PAIP2: variants seen among roughly 807,000 people sequenced by gnomAD.
The protein encoded by PAIP2 is poly(A) binding protein interacting protein 2.
PAIP2 carries 7 observed loss-of-function variants against 14.8 expected under a neutral mutation model. The ratio of observed to expected loss-of-function variants is 0.47; its 90% CI spans 0.27 to 0.89. PAIP2 has a LOEUF of 0.89. PAIP2 is among the 40% of genes least tolerant of loss of function. PAIP2 has a pLI of 0.13. For synonymous variants in PAIP2, 47 were observed against 45.3 expected, an observed-to-expected ratio of 1.04 and a Z score of -0.15; for missense variants, 122 against 154.7, an observed-to-expected ratio of 0.79 and a Z score of 1.12.
At chr5:139,355,053 C>G (rs866653469) in intron 1 of PAIP2, among the ~76,000 whole-genome samples, 1 of 151,886 alleles carries the variant, frequency 6.6e-6, no homozygotes, top group Non-Finnish European at 1.5e-5. Flanking sequence ...CTCCTGACCT[C>G]GTGATCCTCC....
At chr5:139,359,039 C>T (rs566539382) in intron 1 of PAIP2, among the ~76,000 whole-genome samples, 3 of 152,110 alleles carry the variant, frequency 2.0e-5, no homozygotes, top group South Asian at 2.1e-4. Context: ...CAGTGGCGTG[C>T]GATCATGGCT....
intron 1 of PAIP2, among the ~76,000 whole-genome samples, chr5:139,348,678 CTTT>C (rs761015051): frequency 3.1e-5 from 4 of 127,514 alleles, no homozygotes; most frequent in Non-Finnish European, 3.3e-5. Flanking sequence ...ATCTTTGTAT[CTTT>C]TTTTTTTTTT....
chr5:139,358,779 T>C (rs1756989128), intron 1 of PAIP2, among the ~76,000 whole-genome samples: 1 of 152,226 alleles, frequency 6.6e-6, no homozygotes, highest in African/African-American at 2.4e-5. Flanking sequence ...ACATATTTTA[T>C]GATTCCATTT....
Position 139,364,742 on chromosome 5 carries a change from T to A in PAIP2, c.317T>A (p.Val106Glu). Residue 106 changes from valine (V) to glutamate (E), a missense_variant and splice_region_variant, in exon 3 of 4, where the codon GTG becomes GAG. By Grantham distance (121) the Val-to-Glu change is moderately radical. Around this residue, in one of 3 missense-constraint regions of PAIP2, gnomAD observed 46 missense variants for 44.0 expected, o/e 1.05. Coordinates refer to ENST00000265192, the MANE Select transcript of PAIP2 (RefSeq NM_016480.5). ...GATGGCTCTTCTCTGGAAGATCTTG[T>A]GGTAAAAAGTTATTTTTCATCTTTT... ...ISDGSSLEDL[V>E]VKSNLNPNAK... The A allele has an allele frequency of 6.3e-7, 1 of 1,590,382 alleles. No individual in the cohort carries two copies. Among genetic ancestry groups the A allele is most frequent in the Non-Finnish European group, 8.6e-7 (1 of 1,165,872 alleles).
intron 1 of PAIP2, chr5:139,342,641 G>A (rs1346245415): frequency 6.6e-6 from 1 of 152,162 alleles, no homozygotes; most frequent in Non-Finnish European, 1.5e-5. Context: ...TACCCTAGGA[G>A]GGCGTTGAGT....
chr5:139,349,944 G>C (rs1415738576), intron 1 of PAIP2, among the ~76,000 whole-genome samples: 1 of 152,150 alleles, frequency 6.6e-6, no homozygotes, highest in African/African-American at 2.4e-5. Context: ...AGAGGTTACA[G>C]TGATCCGAGA....
chr5:139,366,859 G>C (rs906830563), intron 3 of PAIP2, among the ~76,000 whole-genome samples: 4 of 152,074 alleles, frequency 2.6e-5, no homozygotes, highest in African/African-American at 9.7e-5. Context: ...CCAGGAGTTC[G>C]AGACCAGCCT....
intron 1 of PAIP2, among the ~76,000 whole-genome samples, chr5:139,358,853 T>TG (rs1458110655): frequency 1.3e-5 from 2 of 152,180 alleles, no homozygotes; most frequent in African/African-American, 2.4e-5. Flanking sequence ...TTGTCCAAGT[T>TG]GGGGGGCTTG....
At chr5:139,351,346 T>G (rs1323634110) in intron 1 of PAIP2, among the ~76,000 whole-genome samples, 2 of 151,566 alleles carry the variant, frequency 1.3e-5, no homozygotes, top group Non-Finnish European at 2.9e-5. Context: ...ATAGCAAGAT[T>G]GTGTGTAATG....
intron 1 of PAIP2, among the ~76,000 whole-genome samples, chr5:139,347,961 C>A (rs1561957153): frequency 6.6e-6 from 1 of 152,016 alleles, no homozygotes; most frequent in African/African-American, 2.4e-5. Context: ...CACCTGAGTT[C>A]AGGAGTTCTA....
At chr5:139,364,409 G>A (rs1390582188) in intron 2 of PAIP2, among the ~76,000 whole-genome samples, 155 bp from the exon 3 acceptor site, 2 of 152,122 alleles carry the variant, frequency 1.3e-5, no homozygotes, top group Non-Finnish European at 2.9e-5. Context: ...ATAGATCTTC[G>A]CCGGTCATTA....
At chr5:139,342,922 A>C (rs1216293168) in intron 1 of PAIP2, 1 of 152,204 alleles carries the variant, frequency 6.6e-6, no homozygotes, top group African/African-American at 2.4e-5. Flanking sequence ...TTGCCTTGGA[A>C]GGTGTAGCAG....
intron 1 of PAIP2, chr5:139,343,505 CTA>C (rs969912260): frequency 1.3e-5 from 2 of 152,128 alleles, no homozygotes; most frequent in African/African-American, 4.8e-5. Flanking sequence ...CTTTATGACT[CTA>C]GAGTGTGATG....
At chr5:139,362,743 C>T (rs1401435518) in intron 1 of PAIP2, among the ~76,000 whole-genome samples, 1 of 151,422 alleles carries the variant, frequency 6.6e-6, no homozygotes, top group Non-Finnish European at 1.5e-5. Context: ...AGGGTTTCAC[C>T]ATGTTAGGCT....
chr5:139,365,621 A>G (rs568018223), intron 3 of PAIP2, among the ~76,000 whole-genome samples: 1 of 151,708 alleles, frequency 6.6e-6, no homozygotes, highest in African/African-American at 2.4e-5. Flanking sequence ...ATCCGAGATT[A>G]CGCCACTGCA....
At chr5:139,364,835 C>T in intron 3 of PAIP2, 92 bp downstream of exon 3, 1 of 821,762 alleles carries the variant, frequency 1.2e-6, no homozygotes, top group East Asian at 2.6e-5. Flanking sequence ...TTCTACATCT[C>T]TTTCCCCTTC....
At chr5:139,347,258 CAT>C (rs1394398337) in intron 1 of PAIP2, among the ~76,000 whole-genome samples, 1 of 143,734 alleles carries the variant, frequency 7.0e-6, no homozygotes, top group Non-Finnish European at 1.5e-5. Context: ...TGGAAATACT[CAT>C]GTTACAACTT....
At position 139,363,883 on chromosome 5, in the gene PAIP2, G is replaced by A; in HGVS notation, c.99G>A (p.Glu33=). ...HSHEDDNPFA[E]YMWMENEEEF... ...ATGAAGATGACAATCCATTTGCAGA[G>A]TACATGTGGATGGAAAATGAAGAAG... The change falls in exon 2 of 4, where the codon GAG becomes GAA. Residue 33 remains glutamate (E), a synonymous_variant. Transcript: ENST00000265192. 1 of 1,613,478 alleles carries A rather than the reference G, an allele frequency of 6.2e-7. No homozygotes were observed.
At chr5:139,364,829 A>C in intron 3 of PAIP2, 86 bp downstream of exon 3, 1 of 867,722 alleles carries the variant, frequency 1.2e-6, no homozygotes, top group East Asian at 2.5e-5. Flanking sequence ...TAAGAATTCT[A>C]CATCTCTTTC....
Sources: allele counts gnomAD v4.1 joint callset (sites outside exome capture counted in the v4.1 genomes callset), GRCh38; gene constraint gnomAD v4.1.1; regional missense constraint gnomAD v4.1.1; transcripts MANE v1.5; gene names NCBI Gene and HGNC (gene_info 2026-07-23, HGNC 2026-07-21).